Variants in UNC13C observed in about 807,000 individuals in gnomAD.
The protein encoded by UNC13C is protein unc-13 homolog C.
Under a neutral mutation model 245.4 loss-of-function variants are expected in UNC13C, and 174 were observed. The ratio of observed to expected loss-of-function variants is 0.71; its 90% CI spans 0.63 to 0.80. The LOEUF (loss-of-function observed/expected upper bound fraction) is 0.80, where lower values mean the gene tolerates loss of function less well. Ranked by LOEUF, UNC13C falls within the 30% of genes least tolerant of loss-of-function variation. The probability of loss-of-function intolerance (pLI) is 0.00; values close to 1 mark genes in which losing one functional copy is unlikely to be tolerated. For missense variants in UNC13C, 2,829 were observed against 2,602.9 expected (o/e 1.09, Z -1.89); for synonymous variants, 992 against 895.1 (o/e 1.11, Z -1.93).
chr15:54,388,625 C>T (rs889589456), intron 17 of UNC13C, among the ~76,000 whole-genome samples: 2 of 152,182 alleles, frequency 1.3e-5, no homozygotes, highest in African/African-American at 2.4e-5. Context: ...ATGCTTGAAG[C>T]TAATTATTCC....
intron 7 of UNC13C, among the ~76,000 whole-genome samples, chr15:54,245,394 G>A (rs1377609891): frequency 2.0e-5 from 3 of 151,978 alleles, no homozygotes; most frequent in African/African-American, 7.2e-5. Context: ...AAGTTTCTTA[G>A]GACAATGTTA....
chr15:54,112,815 C>A (rs908923828), intron 2 of UNC13C, among the ~76,000 whole-genome samples: 2 of 152,186 alleles, frequency 1.3e-5, no homozygotes, highest in African/African-American at 4.8e-5. Flanking sequence ...TCAGAGCCAA[C>A]CCAAGTTACA....
At chr15:54,581,824 C>T (rs1269403583) in intron 30 of UNC13C, among the ~76,000 whole-genome samples, 2 of 152,100 alleles carry the variant, frequency 1.3e-5, no homozygotes, top group African/African-American at 4.8e-5. Context: ...TTTGGTGCTG[C>T]TGAGTTTGAG....
At chr15:54,504,016 T>C (rs1057408381) in intron 22 of UNC13C, among the ~76,000 whole-genome samples, 3 of 152,080 alleles carry the variant, frequency 2.0e-5, no homozygotes, top group African/African-American at 7.2e-5. Context: ...CTAAAAAAGG[T>C]ACCAAACAAA....
In UNC13C at chr15:54,013,174, A is replaced by G. The variant is rs537913989; in HGVS notation, c.271A>G (p.Thr91Ala). ...EASKEFSLSPTFSYRVAIANG... is the reference protein window; with the variant it reads ...EASKEFSLSPAFSYRVAIANG... The stretch of plus-strand genomic sequence containing the variant: ...CAGTAAAGAGTTTTCCCTCTCACCA[A>G]CATTCAGTTACCGAGTAGCTATTGC... The change falls in exon 2 of 33, where the codon ACA (threonine) becomes GCA (alanine). Residue 91 changes from threonine to alanine, a missense_variant. Physicochemically the swap from Thr to Ala is moderately conservative, Grantham distance 58 (BLOSUM62 0). Coordinates refer to ENST00000260323, the MANE Select transcript of UNC13C (RefSeq NM_001080534.3). The G allele has an allele frequency of 3.2e-5, 52 of 1,613,712 alleles. No individual in the cohort carries two copies. The highest frequency in any genetic ancestry group is 4.2e-5 in the Non-Finnish European group (50 of 1,179,862).
the UNC13C span, among the ~76,000 whole-genome samples, chr15:53,962,545 A>T: frequency 6.6e-6 from 1 of 152,146 alleles, no homozygotes; most frequent in Non-Finnish European, 1.5e-5. Flanking sequence ...GCATAATCAT[A>T]TCAATAGAAA....
upstream of UNC13C, among the ~76,000 whole-genome samples, chr15:53,976,460 TC>T (rs1566926683): frequency 0.013 from 1,266 of 97,592 alleles, 165 homozygotes; most frequent in South Asian, 0.026. Context: ...TTCTTCTTTC[TC>T]TCTCTCTCTC....
intron 2 of UNC13C, among the ~76,000 whole-genome samples, chr15:54,073,803 C>A (rs995046345): frequency 8.6e-5 from 13 of 152,000 alleles, no homozygotes; most frequent in Non-Finnish European, 1.6e-4. Context: ...GATAGATTGC[C>A]AAAATTTTCT....
intron 4 of UNC13C, among the ~76,000 whole-genome samples, chr15:54,199,362 A>G (rs576945617): frequency 6.6e-6 from 1 of 152,232 alleles, no homozygotes; most frequent in South Asian, 2.1e-4. Context: ...ATTCATTGTA[A>G]AATGATTATC....
At chr15:54,185,648 G>A (rs1300824518) in intron 4 of UNC13C, among the ~76,000 whole-genome samples, 1 of 146,684 alleles carries the variant, frequency 6.8e-6, no homozygotes. Flanking sequence ...TTTTGTACCA[G>A]TACCATGCTG....
intron 2 of UNC13C, among the ~76,000 whole-genome samples, chr15:54,119,603 G>A (rs1260382177): frequency 6.6e-6 from 1 of 152,104 alleles, no homozygotes; most frequent in Non-Finnish European, 1.5e-5. Flanking sequence ...GAGCTGAAGA[G>A]TCACACATCT....
intron 1 of UNC13C, among the ~76,000 whole-genome samples, chr15:53,980,375 A>T (rs951459910): frequency 2.0e-5 from 3 of 152,210 alleles, no homozygotes; most frequent in Non-Finnish European, 2.9e-5. Flanking sequence ...TATGTTTGTT[A>T]GTAGGGAGTG....
rs569728160 is a variant in UNC13C at position 54,341,475 on chromosome 15, T to C, written c.4713+2986T>C. Among the ~76,000 whole-genome samples the C allele has an allele frequency of 1.1e-4, 17 of 152,280 alleles. 1 individual carries two copies. The South Asian group carries it at 3.5e-3, about 32-fold the overall frequency. On this transcript the variant is annotated intron_variant, in intron 17 of 32. Coordinates refer to ENST00000260323, the MANE Select transcript of UNC13C (RefSeq NM_001080534.3). ...TAAAAACTCACTATTGGGTCCTATG[T>C]TCAGTACCTGGGTAAGGGGATCAGT...
At chr15:54,470,107 C>G (rs1312615715) in intron 19 of UNC13C, among the ~76,000 whole-genome samples, 1 of 151,562 alleles carries the variant, frequency 6.6e-6, no homozygotes, top group Non-Finnish European at 1.5e-5. Context: ...AGAGATAAAT[C>G]CCACTTGATC....
At chr15:54,429,271 A>T (rs1567264466) in intron 19 of UNC13C, among the ~76,000 whole-genome samples, 1 of 151,834 alleles carries the variant, frequency 6.6e-6, no homozygotes, top group African/African-American at 2.4e-5. Context: ...TATAAGTGAA[A>T]GTATTATACG....
intron 30 of UNC13C, among the ~76,000 whole-genome samples, chr15:54,614,211 T>G (rs1305407153): frequency 6.6e-6 from 1 of 152,026 alleles, no homozygotes; most frequent in Non-Finnish European, 1.5e-5. Flanking sequence ...TATTTTTCTC[T>G]CATTATTGCT....
intron 19 of UNC13C, among the ~76,000 whole-genome samples, chr15:54,450,462 C>T (rs1381731933): frequency 6.6e-6 from 1 of 152,234 alleles, no homozygotes; most frequent in East Asian, 1.9e-4. Flanking sequence ...ACTCAAGCCT[C>T]AGCAATGGCG....
intron 30 of UNC13C, among the ~76,000 whole-genome samples, chr15:54,597,601 CATA>C (rs1179906306): frequency 6.6e-6 from 1 of 151,776 alleles, no homozygotes; most frequent in Non-Finnish European, 1.5e-5. Context: ...CTGTGTAAAA[CATA>C]ATAATTACAT....
intron 17 of UNC13C, among the ~76,000 whole-genome samples, chr15:54,377,596 C>G (rs1265631776): frequency 6.6e-6 from 1 of 152,140 alleles, no homozygotes; most frequent in East Asian, 1.9e-4. Context: ...AATTTATAAG[C>G]AACAGAAATT....
Sources: gnomAD v4.1 joint callset for allele counts (sites outside exome capture counted in the v4.1 genomes callset) on GRCh38, gnomAD v4.1.1 for gene constraint, MANE v1.5 for transcripts, NCBI Gene and HGNC (gene_info 2026-07-23, HGNC 2026-07-21) for gene names.